The following ANXA10 variants were observed in gnomAD, a reference collection of about 807,000 sequenced individuals.
ANXA10 encodes the protein annexin A10.
Under a neutral mutation model 53.5 loss-of-function variants are expected in ANXA10, and 49 were observed. The ratio of observed to expected loss-of-function variants is 0.92; its 90% CI spans 0.73 to 1.16. ANXA10 has a LOEUF of 1.16. ANXA10 is among the 50% of genes most tolerant of loss of function. The probability of loss-of-function intolerance (pLI) is 0.00; values close to 1 mark genes in which losing one functional copy is unlikely to be tolerated. For synonymous variants in ANXA10, 131 were observed against 128.9 expected, an observed-to-expected ratio of 1.02 and a Z score of -0.11; for missense variants, 393 against 394.4, an observed-to-expected ratio of 1.00 and a Z score of 0.03.
chr4:168,176,083 T>C (rs757139482), intron 6 of ANXA10, among the ~76,000 whole-genome samples: 9 of 152,108 alleles, frequency 5.9e-5, no homozygotes, highest in African/African-American at 2.2e-4. Flanking sequence ...AAGAAGGCAA[T>C]TGGTAGAGAG....
intron 1 of ANXA10, among the ~76,000 whole-genome samples, chr4:168,109,168 T>C (rs746304857): frequency 1.1e-3 from 166 of 152,192 alleles, no homozygotes; most frequent in Non-Finnish European, 2.0e-3. Flanking sequence ...TTTTTTCTGC[T>C]ATGTACCCAT....
At chr4:168,110,189 G>C (rs1730781793) in intron 1 of ANXA10, among the ~76,000 whole-genome samples, 1 of 151,948 alleles carries the variant, frequency 6.6e-6, no homozygotes, top group African/African-American at 2.4e-5. Context: ...CTCCAGCCTG[G>C]GCGACAGAGC....
chr4:168,131,256 A>G (rs2149470424), intron 2 of ANXA10, among the ~76,000 whole-genome samples: 1 of 151,866 alleles, frequency 6.6e-6, no homozygotes, highest in South Asian at 2.1e-4. Flanking sequence ...GTGCTGTTTA[A>G]TCTGTGTGTA....
chr4:168,171,636 TTATCTA>T (rs1731990968), intron 6 of ANXA10, among the ~76,000 whole-genome samples: 1 of 152,122 alleles, frequency 6.6e-6, no homozygotes, highest in Non-Finnish European at 1.5e-5. Context: ...ATCATTTACT[TTATCTA>T]TAAAGTGTTT....
intron 10 of ANXA10, among the ~76,000 whole-genome samples, chr4:168,183,744 G>C (rs1560794688): frequency 6.6e-6 from 1 of 152,276 alleles, no homozygotes; most frequent in Middle Eastern, 3.4e-3. Context: ...TATATTCTGT[G>C]TTCTCCTCCA....
At chr4:168,139,644 A>G in intron 3 of ANXA10, 64 bp downstream of exon 3, 3 of 1,245,552 alleles carry the variant, frequency 2.4e-6, no homozygotes, top group South Asian at 2.7e-5. Context: ...ACACTCACGG[A>G]TAATAGGTAT....
At chr4:168,174,822 G>T (rs545609448) in intron 6 of ANXA10, among the ~76,000 whole-genome samples, 1 of 152,204 alleles carries the variant, frequency 6.6e-6, no homozygotes, top group Non-Finnish European at 1.5e-5. Context: ...AAGAGTTTGA[G>T]GTGGAGGGAG....
At chr4:168,124,836 T>C (rs963756781) in intron 1 of ANXA10, among the ~76,000 whole-genome samples, 2 of 152,196 alleles carry the variant, frequency 1.3e-5, no homozygotes, top group Non-Finnish European at 2.9e-5. Flanking sequence ...CAAATAATAT[T>C]TGATCTTTTA....
chr4:168,112,015 TG>T (rs1730816704), intron 1 of ANXA10, among the ~76,000 whole-genome samples: 1 of 152,138 alleles, frequency 6.6e-6, no homozygotes, highest in Non-Finnish European at 1.5e-5. Flanking sequence ...AGCCAGGCTG[TG>T]GGCAGTGGCT....
At position 168,184,669 on chromosome 4, in the gene ANXA10, T is replaced by C; in HGVS notation, c.894T>C (p.Phe298=). The change falls in exon 11 of 12, where the codon TTT becomes TTC. Residue 298 remains phenylalanine (F), a synonymous_variant. Coordinates refer to ENST00000359299, the MANE Select transcript of ANXA10 (RefSeq NM_007193.5). ...AAGAGCGATATGGAAAATCCCTATTTCATGATATCAGAGTAAGTTTCCGAC... is the reference window on the plus strand; with the variant it reads ...AAGAGCGATATGGAAAATCCCTATTCCATGATATCAGAGTAAGTTTCCGAC... ...RYKERYGKSL[F]HDIRNFASGH... 6.2e-7 allele frequency: 1 copy of C among 1,613,908 alleles called. No homozygotes were observed. Among genetic ancestry groups the C allele is most frequent in the Non-Finnish European group, 8.5e-7 (1 of 1,179,918 alleles).
chr4:168,155,802 A>T (rs1437356764), intron 3 of ANXA10, among the ~76,000 whole-genome samples: 1 of 50,928 alleles, frequency 2.0e-5, no homozygotes, highest in Non-Finnish European at 3.3e-5. Context: ...ATAATATATA[A>T]TATATGATAT....
intron 1 of ANXA10, among the ~76,000 whole-genome samples, chr4:168,103,504 A>G (rs981327014): frequency 6.6e-6 from 1 of 151,918 alleles, no homozygotes; most frequent in African/African-American, 2.4e-5. Context: ...ATTCTGTCCA[A>G]TCGAGCTATA....
At chr4:168,147,619 T>C (rs1193996161) in intron 3 of ANXA10, among the ~76,000 whole-genome samples, 2 of 152,340 alleles carry the variant, frequency 1.3e-5, no homozygotes, top group Non-Finnish European at 1.5e-5. Flanking sequence ...GTGGAAGTTA[T>C]ACTAGTCTAA....
At chr4:168,167,929 C>G (rs905980981) in intron 6 of ANXA10, among the ~76,000 whole-genome samples, 1 of 152,154 alleles carries the variant, frequency 6.6e-6, no homozygotes, top group African/African-American at 2.4e-5. Context: ...GCTTACATTG[C>G]TTGGAATCAG....
intron 8 of ANXA10, chr4:168,178,406 T>G (rs905252335): frequency 2.6e-5 from 4 of 155,082 alleles, no homozygotes; most frequent in African/African-American, 9.6e-5. Context: ...GAGGGTGCAC[T>G]CATGTTAGTT....
At chr4:168,176,225 G>C (rs1182840050) in intron 6 of ANXA10, among the ~76,000 whole-genome samples, 1 of 152,124 alleles carries the variant, frequency 6.6e-6, no homozygotes, top group African/African-American at 2.4e-5. Flanking sequence ...TCTGGACATT[G>C]AATATATGAG....
At position 168,155,708 on chromosome 4, in the gene ANXA10, TATA is replaced by T. The variant is rs1475741625; in HGVS notation, c.196-6816_196-6814del. 3.3e-4 allele frequency among the ~76,000 whole-genome samples: 10 copies of T among 30,638 alleles called. 3 individuals are homozygous for T. The highest frequency in any genetic ancestry group is 4.1e-4 in the Non-Finnish European group (8 of 19,694). The allele number at this position is 30,638 out of a possible 152,430, so 20.1% of individuals were successfully genotyped here. On this transcript the variant is annotated intron_variant, in intron 3 of 11. Transcript: ENST00000359299. ...TAAAATATATAATATATTATAAATATATAATATTATATAATATAATATATGATA... is the reference window on the plus strand; with the variant it reads ...TAAAATATATAATATATTATAAATATATATTATATAATATAATATATGATA...
At chr4:168,151,562 G>A (rs145702218) in intron 3 of ANXA10, among the ~76,000 whole-genome samples, 102 of 152,206 alleles carry the variant, frequency 6.7e-4, no homozygotes, top group East Asian at 5.8e-4. Context: ...GCAAGTCTTC[G>A]GAATACAGGA....
Position 168,162,689 on chromosome 4 carries a change from T to A in ANXA10, c.309+48T>A, listed in dbSNP as rs1403644443. Reference sequence around the variant, plus strand: ...TGCCTGTAACAAGTACAGGCCAGTATTTCAGTAGAGGGGAAACTGCCCTGT... The same window carrying A: ...TGCCTGTAACAAGTACAGGCCAGTAATTCAGTAGAGGGGAAACTGCCCTGT... On this transcript the variant is annotated intron_variant, in intron 4 of 11. Transcript: ENST00000359299. The A allele has an allele frequency of 3.4e-6, 5 of 1,490,346 alleles. No individual in the cohort carries two copies. In the Admixed American group the frequency reaches 6.7e-5, roughly 20 times the overall value. 92.3% of individuals were successfully genotyped at this position (1,490,346 alleles called of 1,614,324 possible).
Sources: allele counts gnomAD v4.1 joint callset (sites outside exome capture counted in the v4.1 genomes callset), GRCh38; gene constraint gnomAD v4.1.1; transcripts MANE v1.5; gene names NCBI Gene and HGNC (gene_info 2026-07-23, HGNC 2026-07-21).